Variants in ZNF662 observed in about 807,000 individuals in gnomAD.
ZNF662 encodes the protein zinc finger protein 662.
In ZNF662, 14 loss-of-function variants were observed where a neutral mutation model predicts 12.4. That is an observed-to-expected ratio of 1.13 (90% CI 0.75 to 1.77). The LOEUF (loss-of-function observed/expected upper bound fraction) is 1.77. Ranked by LOEUF, ZNF662 falls within the 40% of genes most tolerant of loss-of-function variation. The pLI is 0.00. For missense variants in ZNF662, 550 were observed against 515.6 expected (o/e 1.07, Z -0.65); for synonymous variants, 184 against 176.4 (o/e 1.04, Z -0.34).
Position 42,913,255 on chromosome 3 carries a change from C to T in ZNF662, c.206C>T (p.Pro69Leu). 2.5e-6 allele frequency: 4 copies of T among 1,614,046 alleles called. No homozygotes were observed. The highest frequency in any genetic ancestry group is 2.5e-6 in the Non-Finnish European group (3 of 1,179,962). Residue 69 changes from proline to leucine, a missense_variant, in exon 4 of 5, where the codon CCA becomes CTA. Pro to Leu is a moderately conservative substitution (Grantham distance 98). Coordinates refer to ENST00000440367, the MANE Select transcript of ZNF662 (RefSeq NM_207404.4). Reference protein sequence around the residue: ...GISHPEQVEEPLNLKLQGEGP... With the variant: ...GISHPEQVEELLNLKLQGEGP... Reference sequence around the variant, plus strand: ...TCCCATCCTGAGCAGGTGGAAGAGCCATTAAACCTGAAACTGCAAGGAGAG... The same window carrying T: ...TCCCATCCTGAGCAGGTGGAAGAGCTATTAAACCTGAAACTGCAAGGAGAG...
chr3:42,915,541 C>T lies in ZNF662; in HGVS notation c.*187C>T. ...TCTGTTCTATGATGTTTTAACAAGG[C>T]ATCATTTAGTTGGGCAGCTACTCTG... On this transcript the variant is annotated 3_prime_UTR_variant, in exon 5 of 5. Coordinates refer to ENST00000440367, the MANE Select transcript of ZNF662 (RefSeq NM_207404.4). 5.3e-6 allele frequency: 3 copies of T among 570,628 alleles called. No homozygotes were observed. The highest frequency in any genetic ancestry group is 6.0e-5 in the South Asian group (2 of 33,492). The allele number at this position is 570,628 out of a possible 1,614,324, so 35.3% of individuals were successfully genotyped here.
At position 42,918,502 on chromosome 3, in the gene ZNF662, A is replaced by C. The variant is rs1397726337; in HGVS notation, c.*3148A>C. ...TGAGCCACTCCACATTATTTCCCTT[A>C]CTGTGTATGTGTTAAGGAACGGAAT... is the stretch of plus-strand genomic sequence containing the variant. On this transcript the variant is annotated 3_prime_UTR_variant, in exon 5 of 5. Coordinates refer to ENST00000440367, the MANE Select transcript of ZNF662 (RefSeq NM_207404.4). 2.6e-5 allele frequency among the ~76,000 whole-genome samples: 4 copies of C among 151,948 alleles called. No homozygotes were observed. The highest frequency in any genetic ancestry group is 5.9e-5 in the Non-Finnish European group (4 of 68,008).
chr3:42,908,884 A>G lies in ZNF662; in HGVS notation c.126A>G (p.Gly42=). Reference sequence around the variant, plus strand: ...CGGTTCCTCGGGGAGCTCTGGATGGAGAGGCCCCAAGGGGCATCTCCTCAG... The same window carrying G: ...CGGTTCCTCGGGGAGCTCTGGATGGGGAGGCCCCAAGGGGCATCTCCTCAG... The part of the protein sequence containing the change: ...WCSVPRGALD[G]EAPRGISSGY... Residue 42 remains glycine, a synonymous_variant, in exon 3 of 5, where the codon GGA becomes GGG. Transcript: ENST00000440367. 6 of 1,613,450 alleles carry G rather than the reference A, an allele frequency of 3.7e-6. No individual in the cohort carries two copies. Among genetic ancestry groups the G allele is most frequent in the Non-Finnish European group, 5.1e-6 (6 of 1,179,408 alleles).
intron 3 of ZNF662, among the ~76,000 whole-genome samples, chr3:42,909,389 T>C (rs1025273372): frequency 6.6e-6 from 1 of 152,090 alleles, no homozygotes; most frequent in Non-Finnish European, 1.5e-5. Context: ...GGGGTAAGGT[T>C]ATAGATTAAC....
chr3:42,908,751 G>A, intron 2 of ZNF662, 42 bp from the exon 3 acceptor site: 1 of 1,592,904 alleles, frequency 6.3e-7, no homozygotes, highest in Non-Finnish European at 8.6e-7. Context: ...ATTACTGTGT[G>A]CCATGCCACT....
In ZNF662 at chr3:42,915,159, T is replaced by C; in HGVS notation, c.1086T>C (p.Cys362=). The change falls in exon 5 of 5, where the codon TGT becomes TGC. Residue 362 remains cysteine (C), a synonymous_variant. Transcript: ENST00000440367. Reference sequence around the variant, plus strand: ...ACACTGGGGACAAGCCTCATGAATGTACTGACTGTGGGAAAAGCTTCTTTT... The same window carrying C: ...ACACTGGGGACAAGCCTCATGAATGCACTGACTGTGGGAAAAGCTTCTTTT... The part of the protein sequence containing the change: ...RVHTGDKPHE[C]TDCGKSFFCK... 1 of 1,614,232 alleles carries C rather than the reference T, an allele frequency of 6.2e-7. No homozygotes were observed. The highest frequency in any genetic ancestry group is 2.2e-5 in the East Asian group (1 of 44,886).
At chr3:42,908,974 A>G (rs2088726573) in intron 3 of ZNF662, 65 bp downstream of exon 3, 3 of 1,146,908 alleles carry the variant, frequency 2.6e-6, no homozygotes, top group Admixed American at 4.4e-5. Flanking sequence ...AAAATGTCAT[A>G]GATAGGTGTT....
chr3:42,913,378 C>A, intron 4 of ZNF662, 76 bp downstream of exon 4: 2 of 1,238,014 alleles, frequency 1.6e-6, no homozygotes, highest in Non-Finnish European at 1.2e-6. Flanking sequence ...TGTAAAAGTC[C>A]ATTTTGCCAT....
chr3:42,910,670 C>T (rs1017953230), intron 3 of ZNF662, among the ~76,000 whole-genome samples: 8 of 152,136 alleles, frequency 5.3e-5, no homozygotes, highest in African/African-American at 1.7e-4. Context: ...TACTTTAGGC[C>T]CAACAGGACT....
chr3:42,914,197 T>G (rs1199146856), intron 4 of ZNF662, 130 bp from the exon 5 acceptor site: 1 of 766,712 alleles, frequency 1.3e-6, no homozygotes, highest in African/African-American at 1.8e-5. Context: ...TTTGCCATTT[T>G]CAGCTGGGAC....
chr3:42,906,509 T>C lies in ZNF662; in HGVS notation c.-94+341T>C. The C allele has an allele frequency of 1.5e-6, 2 of 1,332,610 alleles. No homozygotes were observed. Among genetic ancestry groups the C allele is most frequent in the Admixed American group, 3.4e-5 (1 of 29,380 alleles). The allele number at this position is 1,332,610 out of a possible 1,614,324, so 82.5% of individuals were successfully genotyped here. A position where few individuals can be genotyped will look rare whatever the true frequency, so the allele number is the denominator to read the frequency against. ...CTGGGTTCTAGGCCCGGAGACGGGG[T>C]GGTGCGGCGGCTGGGAAATGGGGGT... On this transcript the variant is annotated intron_variant, in intron 1 of 4. Coordinates refer to ENST00000440367, the MANE Select transcript of ZNF662 (RefSeq NM_207404.4). This position sits in a 1 kb window ranked among gnomAD's most constrained non-coding sequence, Gnocchi z 4.4.
At chr3:42,913,453 C>T (rs2088856252) in intron 4 of ZNF662, 151 bp downstream of exon 4, 1 of 591,936 alleles carries the variant, frequency 1.7e-6, no homozygotes, top group Admixed American at 3.0e-5. Flanking sequence ...AACTTAAACC[C>T]TAAGCTTCCA....
At chr3:42,908,557 G>A (rs2088717440) in intron 2 of ZNF662, 7 of 1,347,152 alleles carry the variant, frequency 5.2e-6, no homozygotes, top group African/African-American at 2.9e-5. Context: ...ATTCCTCAAT[G>A]AGTGAAATCA....
At chr3:42,913,392 T>C (rs1354106483) in intron 4 of ZNF662, 90 bp downstream of exon 4, 7 of 1,079,654 alleles carry the variant, frequency 6.5e-6, no homozygotes, top group African/African-American at 1.6e-5. Flanking sequence ...TTGCCATTCA[T>C]GTTCTAAACA....
Position 42,908,034 on chromosome 3 carries a change from T to C in ZNF662, c.-81T>C. On this transcript the variant is annotated 5_prime_UTR_variant, in exon 2 of 5. Coordinates refer to ENST00000440367, the MANE Select transcript of ZNF662 (RefSeq NM_207404.4). The stretch of plus-strand genomic sequence containing the variant: ...CATGTTGTTTCAGGAGTCAGTGACC[T>C]TCGAGGATGTGGCCGTCTACTTCTC... The C allele has an allele frequency of 6.2e-7, 1 of 1,614,150 alleles. No individual in the cohort carries two copies. The highest frequency in any genetic ancestry group is 8.5e-7 in the Non-Finnish European group (1 of 1,180,006).
At chr3:42,909,836 G>A (rs554768072) in intron 3 of ZNF662, among the ~76,000 whole-genome samples, 132 of 151,562 alleles carry the variant, frequency 8.7e-4, no homozygotes, top group African/African-American at 2.8e-3. Flanking sequence ...AGACGGGGTC[G>A]CGGCCAGGCA....
Position 42,912,693 on chromosome 3 carries a change from A to ATTTTTATATATATATAAATATATATTTT in ZNF662, c.152-504_152-503insTATATATATATAAATATATATTTTTTTT, listed in dbSNP as rs55883208. Among the ~76,000 whole-genome samples the ATTTTTATATATATATAAATATATATTTT allele has an allele frequency of 3.8e-5, 2 of 53,094 alleles. 1 individual carries two copies. Among genetic ancestry groups the ATTTTTATATATATATAAATATATATTTT allele is most frequent in the East Asian group, 2.3e-3 (2 of 874 alleles). The allele number at this position is 53,094 out of a possible 152,430, so 34.8% of individuals were successfully genotyped here. A position where few individuals can be genotyped will look rare whatever the true frequency, so the allele number is the denominator to read the frequency against. On this transcript the variant is annotated intron_variant, in intron 3 of 4. Transcript: ENST00000440367. ...TTTTTATATATATAAATATATATAT[A>ATTTTTATATATATATAAATATATATTTT]TTTTATATATATAAATATATATATA...
chr3:42,909,251 G>A (rs1575409206), intron 3 of ZNF662, among the ~76,000 whole-genome samples: 1 of 152,126 alleles, frequency 6.6e-6, no homozygotes, highest in Non-Finnish European at 1.5e-5. Flanking sequence ...CTTGAGATTA[G>A]GGAGTGGTGA....
chr3:42,917,924 TAGAG>T lies in ZNF662; in HGVS notation c.*2574_*2577del, dbSNP rs1273999638. On this transcript the variant is annotated 3_prime_UTR_variant, in exon 5 of 5. Coordinates refer to ENST00000440367, the MANE Select transcript of ZNF662 (RefSeq NM_207404.4). The stretch of plus-strand genomic sequence containing the variant: ...GAGTTCAAGACCAGCCTGACCAACA[TAGAG>T]AGACCCCGTCTCTACTAAAAATACA... 5.3e-5 allele frequency among the ~76,000 whole-genome samples: 8 copies of T among 152,188 alleles called. No individual in the cohort carries two copies. Among genetic ancestry groups the T allele is most frequent in the South Asian group, 2.1e-4 (1 of 4,836 alleles).
Sources: gnomAD v4.1 joint callset for allele counts (sites outside exome capture counted in the v4.1 genomes callset) on GRCh38, gnomAD v4.1.1 for gene constraint, Gnocchi (gnomAD v3.1) non-coding constraint, MANE v1.5 for transcripts, NCBI Gene and HGNC (gene_info 2026-07-23, HGNC 2026-07-21) for gene names.